CASD1: variants seen among roughly 807,000 people sequenced by gnomAD.
The protein encoded by CASD1 is CAS1 domain sialic acid O acetyltransferase 1, also known as N-acetylneuraminate (7)9-O-acetyltransferase.
CASD1 carries 41 observed loss-of-function variants against 100.0 expected under a neutral mutation model. The ratio of observed to expected loss-of-function variants is 0.41; its 90% CI spans 0.32 to 0.53. The LOEUF (loss-of-function observed/expected upper bound fraction) is 0.53, where lower values mean the gene tolerates loss of function less well. Ranked by LOEUF, CASD1 falls within the 20% of genes least tolerant of loss-of-function variation. CASD1 has a pLI of 0.25. For synonymous variants in CASD1, 321 were observed against 315.6 expected, an observed-to-expected ratio of 1.02 and a Z score of -0.18; for missense variants, 774 against 948.7, an observed-to-expected ratio of 0.82 and a Z score of 2.42.
chr7:94,590,926 A>G, the CASD1 span: 3 of 152,192 alleles, frequency 2.0e-5, no homozygotes. Flanking sequence ...CTCTTAATCT[A>G]TAGGTAACAC....
Position 94,518,303 on chromosome 7 carries a change from T to C in CASD1, c.331T>C (p.Phe111Leu), listed in dbSNP as rs1029008155. ...TTTTGTAAAAATAATTAATCCCCAA[T>C]TCAAAGAAGAAGGAAATAAGGTAAA... Reference protein sequence around the residue: ...YSFVKIINPQFKEEGNKHENI... With the variant: ...YSFVKIINPQLKEEGNKHENI... Residue 111 changes from phenylalanine to leucine, a missense_variant, in exon 3 of 18, where the codon TTC becomes CTC. Physicochemically the swap from Phe to Leu is conservative, Grantham distance 22. This residue lies in a region of CASD1 where 61 missense variants were observed against 115.9 expected (regional missense o/e 0.53). Coordinates refer to ENST00000297273, the MANE Select transcript of CASD1 (RefSeq NM_022900.5). The C allele has an allele frequency of 1.9e-6, 3 of 1,574,866 alleles. No individual in the cohort carries two copies. Among genetic ancestry groups the C allele is most frequent in the Non-Finnish European group, 2.6e-6 (3 of 1,162,902 alleles).
Position 94,545,710 on chromosome 7 carries a change from A to T in CASD1, c.1633+9A>T, listed in dbSNP as rs773543995. On this transcript the variant is annotated intron_variant, in intron 12 of 17. Coordinates refer to ENST00000297273, the MANE Select transcript of CASD1 (RefSeq NM_022900.5). ...CCAAAAAAAAGCAAACGGTAAATAT[A>T]CTTTCTTACTAATGTTAGTAAATAT... 1 of 1,541,630 alleles carries T rather than the reference A, an allele frequency of 6.5e-7. No homozygotes were observed. The highest frequency in any genetic ancestry group is 1.9e-5 in the Admixed American group (1 of 54,050).
At chr7:94,632,387 G>C in the CASD1 span, among the ~76,000 whole-genome samples, 1 of 152,014 alleles carries the variant, frequency 6.6e-6, no homozygotes, top group African/African-American at 2.4e-5. Flanking sequence ...ACAGAGCCAA[G>C]ACACAATCTA....
the CASD1 span, chr7:94,625,173 A>C: frequency 6.6e-6 from 1 of 152,040 alleles, no homozygotes; most frequent in Non-Finnish European, 1.5e-5. Flanking sequence ...TAAAATCTAA[A>C]TATTTCAGAT....
At chr7:94,522,260 G>C (rs974796605) in intron 3 of CASD1, among the ~76,000 whole-genome samples, 2 of 152,122 alleles carry the variant, frequency 1.3e-5, no homozygotes, top group African/African-American at 2.4e-5. Flanking sequence ...AATGAAAAAG[G>C]ATTCACCAGG....
the CASD1 span, chr7:94,598,463 TG>T: frequency 3.1e-6 from 1 of 317,622 alleles, no homozygotes; most frequent in Non-Finnish European, 5.9e-6. Context: ...GCTTAGGATA[TG>T]GTTCTTTTTT....
chr7:94,520,119 C>T (rs79834588), intron 3 of CASD1, among the ~76,000 whole-genome samples: 236 of 152,222 alleles, frequency 1.6e-3, no homozygotes, highest in African/African-American at 5.4e-3. Context: ...TAGTGTGCCC[C>T]CGTCTTAAAG....
At chr7:94,545,057 C>G (rs1250007358) in intron 11 of CASD1, among the ~76,000 whole-genome samples, 1 of 152,030 alleles carries the variant, frequency 6.6e-6, no homozygotes, top group Non-Finnish European at 1.5e-5. Context: ...TGAATGACAT[C>G]AAGCTGATAT....
intron 10 of CASD1, among the ~76,000 whole-genome samples, chr7:94,544,165 T>C (rs1407211232): frequency 1.3e-5 from 2 of 152,112 alleles, no homozygotes; most frequent in Non-Finnish European, 2.9e-5. Context: ...ATTTTGCAAA[T>C]TAGAAAACTC....
At position 94,539,033 on chromosome 7, in the gene CASD1, T is replaced by G. The variant is rs1795254700; in HGVS notation, c.1333T>G (p.Tyr445Asp). The G allele has an allele frequency of 6.2e-7, 1 of 1,603,482 alleles. No homozygotes were observed. Among genetic ancestry groups the G allele is most frequent in the Admixed American group, 1.7e-5 (1 of 59,900 alleles). The change falls in exon 10 of 18, where the codon TAT becomes GAT. Residue 445 changes from tyrosine to aspartate, a missense_variant. This residue lies in a region of CASD1 where 453 missense variants were observed against 532.6 expected (regional missense o/e 0.85). Transcript: ENST00000297273. Reference protein sequence around the residue: ...KGWMQLVILIYHISGASTFLP... With the variant: ...KGWMQLVILIDHISGASTFLP... ...CTGGATGCAACTTGTGATTTTGATT[T>G]ATCACATTTCTGGAGCAAGTACAGT...
intron 3 of CASD1, among the ~76,000 whole-genome samples, chr7:94,520,038 C>T (rs1310882443): frequency 6.6e-6 from 1 of 152,098 alleles, no homozygotes; most frequent in Admixed American, 6.6e-5. Context: ...CTAGGATGCT[C>T]AGTTATCCCA....
intron 3 of CASD1, among the ~76,000 whole-genome samples, chr7:94,523,049 C>G (rs1794372051): frequency 6.6e-6 from 1 of 152,126 alleles, no homozygotes; most frequent in South Asian, 2.1e-4. Flanking sequence ...AGGTAAGTTA[C>G]TTTATATCAA....
At chr7:94,575,749 A>T in the CASD1 span, among the ~76,000 whole-genome samples, 11 of 151,680 alleles carry the variant, frequency 7.3e-5, no homozygotes, top group African/African-American at 2.7e-4. Flanking sequence ...AGTTTGCTGG[A>T]TATAAAATCT....
the CASD1 span, chr7:94,624,331 T>C: frequency 7.5e-6 from 3 of 397,590 alleles, no homozygotes; most frequent in East Asian, 1.1e-4. Context: ...CAAAGATTTT[T>C]ATACATTACA....
At chr7:94,577,141 A>G in the CASD1 span, among the ~76,000 whole-genome samples, 3 of 152,152 alleles carry the variant, frequency 2.0e-5, no homozygotes, top group African/African-American at 4.8e-5. Context: ...TCCAACTTCT[A>G]TGTTTCCTGG....
intron 1 of CASD1, among the ~76,000 whole-genome samples, 163 bp from the exon 2 acceptor site, chr7:94,517,397 A>G (rs1243068024): frequency 2.0e-5 from 3 of 152,186 alleles, no homozygotes; most frequent in South Asian, 2.1e-4. Context: ...TAATGTATTA[A>G]TATTTACCAT....
chr7:94,518,383 C>T, intron 3 of CASD1, 60 bp downstream of exon 3: 3 of 1,404,230 alleles, frequency 2.1e-6, no homozygotes, highest in Non-Finnish European at 2.9e-6. Context: ...TGAATAGTTA[C>T]AGGAGGAGTG....
the CASD1 span, among the ~76,000 whole-genome samples, chr7:94,564,099 G>A: frequency 6.6e-6 from 1 of 152,140 alleles, no homozygotes; most frequent in African/African-American, 2.4e-5. Flanking sequence ...TTACCATAGC[G>A]AAGAAGCAAA....
rs1325213507 is a variant in CASD1 at position 94,510,024 on chromosome 7, C to G, written c.-61C>G. The G allele has an allele frequency of 7.0e-7, 1 of 1,436,368 alleles. No homozygotes were observed. The allele number at this position is 1,436,368 out of a possible 1,614,324, so 89.0% of individuals were successfully genotyped here. A position where few individuals can be genotyped will look rare whatever the true frequency, so the allele number is the denominator to read the frequency against. On this transcript the variant is annotated 5_prime_UTR_variant, in exon 1 of 18. Coordinates refer to ENST00000297273, the MANE Select transcript of CASD1 (RefSeq NM_022900.5). ...GGCTGCAGCGGCGGCAGCCCCAGTG[C>G]TGCCCCTGTGCGGCGCCCCTTTCCC... is the stretch of plus-strand genomic sequence containing the variant.
Sources: gnomAD v4.1 joint callset for allele counts (sites outside exome capture counted in the v4.1 genomes callset) on GRCh38, gnomAD v4.1.1 for gene constraint, gnomAD v4.1.1 regional missense constraint, MANE v1.5 for transcripts, NCBI Gene and HGNC (gene_info 2026-07-23, HGNC 2026-07-21) for gene names.